Variants in FSHR observed in about 807,000 individuals in gnomAD.
FSHR encodes follicle stimulating hormone receptor.
Under a neutral mutation model 52.1 loss-of-function variants are expected in FSHR, and 46 were observed. The ratio of observed to expected loss-of-function variants is 0.88; its 90% CI spans 0.70 to 1.13. FSHR has a LOEUF of 1.13. FSHR is among the 50% of genes most tolerant of loss of function. The pLI is 0.00. For synonymous variants in FSHR, 399 were observed against 309.6 expected (o/e 1.29, Z -3.03); for missense variants, 964 against 834.6 (o/e 1.16, Z -1.91).
At position 48,983,180 on chromosome 2, in the gene FSHR, C is replaced by T. The variant is rs1046935846; in HGVS notation, c.525-14G>A. The stretch of plus-strand genomic sequence containing the variant: ...TTATTCAGCCATCTGAAATAAAAGG[C>T]CTATTAAAAAACCAATAATGTCAGA... On this transcript the variant is annotated splice_polypyrimidine_tract_variant and intron_variant, in intron 6 of 9. Coordinates refer to ENST00000406846, the MANE Select transcript of FSHR (RefSeq NM_000145.4). 52 of 1,612,524 alleles carry T rather than the reference C, an allele frequency of 3.2e-5. No individual in the cohort carries two copies. The highest frequency in any genetic ancestry group is 4.0e-5 in the African/African-American group (3 of 74,816).
At chr2:49,080,922 C>G (rs1483696303) in intron 1 of FSHR, among the ~76,000 whole-genome samples, 1 of 152,200 alleles carries the variant, frequency 6.6e-6, no homozygotes, top group Non-Finnish European at 1.5e-5. Context: ...TATCTGACAA[C>G]TAGGGACATC....
At chr2:49,040,191 T>C (rs1278885391) in intron 2 of FSHR, among the ~76,000 whole-genome samples, 2 of 152,202 alleles carry the variant, frequency 1.3e-5, no homozygotes, top group African/African-American at 2.4e-5. Context: ...TCCTATTCAA[T>C]TGCAATCAGG....
In FSHR at chr2:49,009,691, C is replaced by G. The variant is rs930737623; in HGVS notation, c.374+7798G>C. Among the ~76,000 whole-genome samples the G allele has an allele frequency of 7.4e-5, 11 of 149,030 alleles. 1 individual carries two copies. Among genetic ancestry groups the G allele is most frequent in the Admixed American group, 2.7e-4 (4 of 14,838 alleles). On this transcript the variant is annotated intron_variant, in intron 4 of 9. Transcript: ENST00000406846. ...ATGTTCTTCCATTTGTTTGTATCCT[C>G]TTTTATTTCCTTGAGCAGTGGTTTG...
In FSHR at chr2:48,963,967, C is replaced by T; in HGVS notation, c.855-1G>A. The T allele has an allele frequency of 6.2e-7, 1 of 1,611,918 alleles. No homozygotes were observed. The highest frequency in any genetic ancestry group is 8.5e-7 in the Non-Finnish European group (1 of 1,179,718). ...GTTGCAAATTGGATGAAGCTCAGAG[C>T]TAGAAAAATACAAAAAGAAATAGAA... On this transcript the variant is annotated splice_acceptor_variant, in intron 9 of 9. Coordinates refer to ENST00000406846, the MANE Select transcript of FSHR (RefSeq NM_000145.4). LOFTEE classifies it high-confidence loss of function.
intron 1 of FSHR, among the ~76,000 whole-genome samples, chr2:49,085,301 A>G (rs1670332743): frequency 6.6e-6 from 1 of 152,262 alleles, no homozygotes; most frequent in Non-Finnish European, 1.5e-5. Flanking sequence ...AACAACCTTC[A>G]TGCTAAAAAC....
chr2:49,019,017 C>T (rs1667598597), intron 3 of FSHR, among the ~76,000 whole-genome samples: 1 of 152,208 alleles, frequency 6.6e-6, no homozygotes, highest in Non-Finnish European at 1.5e-5. Flanking sequence ...CTTACAACTT[C>T]TCTGTGCCTT....
chr2:49,146,572 G>A (rs930402725), intron 1 of FSHR, among the ~76,000 whole-genome samples: 1 of 151,940 alleles, frequency 6.6e-6, no homozygotes, highest in Non-Finnish European at 1.5e-5. Context: ...TTCAGCCCAA[G>A]GGAAACATGC....
chr2:49,154,188 G>T, intron 1 of FSHR, 78 bp downstream of exon 1: 1 of 1,450,982 alleles, frequency 6.9e-7, no homozygotes, highest in Non-Finnish European at 9.7e-7. Context: ...ACAGATATCA[G>T]CCTAATGTAA....
At position 49,154,511 on chromosome 2, in the gene FSHR, G is replaced by C. The variant is rs935213857; in HGVS notation, c.-94C>G. ...TCCACACAGTGCCCTTATGAGAAGA[G>C]ATCTGACTTGAGAACTGGTAGGGTC... is the stretch of plus-strand genomic sequence containing the variant. On this transcript the variant is annotated 5_prime_UTR_variant, in exon 1 of 10. In the 5' UTR this introduces an upstream ATG that the reference lacks. Transcript: ENST00000406846. The C allele has an allele frequency of 2.4e-6, 3 of 1,269,644 alleles. No homozygotes were observed. Among genetic ancestry groups the C allele is most frequent in the Non-Finnish European group, 3.4e-6 (3 of 887,882 alleles). 78.6% of individuals were successfully genotyped at this position (1,269,644 alleles called of 1,614,324 possible).
intron 2 of FSHR, among the ~76,000 whole-genome samples, chr2:49,021,846 TCTC>T (rs1667715096): frequency 6.4e-5 from 2 of 31,186 alleles, no homozygotes; most frequent in African/African-American, 2.7e-4. Context: ...TCTCTCTCTC[TCTC>T]TCTCTCTCTC....
rs147911679 is a variant in FSHR at position 49,043,850 on chromosome 2, C to A, written c.225-23690G>T. ...TCGGATTCCCATTATGACTTTGAAT[C>A]TGTTTCATTAATATCCGCCACTCAG... On this transcript the variant is annotated intron_variant, in intron 2 of 9. Coordinates refer to ENST00000406846, the MANE Select transcript of FSHR (RefSeq NM_000145.4). Among the ~76,000 whole-genome samples the A allele has an allele frequency of 3.4e-3, 519 of 152,278 alleles. 13 individuals are homozygous for A. The highest frequency in any genetic ancestry group is 0.031 in the Admixed American group (474 of 15,290).
chr2:49,141,141 A>G (rs1672670194), intron 1 of FSHR, among the ~76,000 whole-genome samples: 1 of 152,176 alleles, frequency 6.6e-6, no homozygotes, highest in Non-Finnish European at 1.5e-5. Flanking sequence ...ATTTCTGGAA[A>G]TTGTCATCGC....
In FSHR at chr2:49,091,281, TG is replaced by T. The variant is rs1314676753; in HGVS notation, c.153-22992del. On this transcript the variant is annotated intron_variant, in intron 1 of 9. Transcript: ENST00000406846. The stretch of plus-strand genomic sequence containing the variant: ...TTATGATACAATTTGGGAGAATTTT[TG>T]TGTACGGTATGAGGTTTAGAACATT... Among the ~76,000 whole-genome samples, 3 of 152,272 alleles carry T rather than the reference TG, an allele frequency of 2.0e-5. No homozygotes were observed. In the East Asian group the frequency reaches 5.8e-4, roughly 29 times the overall value.
chr2:48,988,705 T>C (rs1204567905), intron 6 of FSHR, among the ~76,000 whole-genome samples: 1 of 152,234 alleles, frequency 6.6e-6, no homozygotes, highest in African/African-American at 2.4e-5. Context: ...GAGTTATTCT[T>C]TCCTTTGGAA....
chr2:49,124,940 A>G (rs777424954), intron 1 of FSHR, among the ~76,000 whole-genome samples: 4 of 152,194 alleles, frequency 2.6e-5, no homozygotes, highest in Admixed American at 6.5e-5. Context: ...CTTATCTTAC[A>G]CTAATCCCTG....
chr2:49,081,285 C>T (rs1007941177), intron 1 of FSHR, among the ~76,000 whole-genome samples: 2 of 151,856 alleles, frequency 1.3e-5, no homozygotes, highest in Non-Finnish European at 2.9e-5. Context: ...ATGATCAACA[C>T]CAAAATCAGT....
chr2:49,005,054 C>CA (rs147427726), intron 4 of FSHR, among the ~76,000 whole-genome samples: 3,390 of 152,112 alleles, frequency 0.022, 90 homozygotes, highest in African/African-American at 0.071. Flanking sequence ...GTTCCTCTTT[C>CA]AAAAATGCAA....
intron 1 of FSHR, 83 bp from the exon 2 acceptor site, chr2:49,068,373 G>A (rs1373995062): frequency 8.8e-7 from 1 of 1,131,364 alleles, no homozygotes; most frequent in Non-Finnish European, 1.3e-6. Context: ...TCAGCAAACA[G>A]TTACCATATA....
At chr2:48,992,900 T>C (rs1203249702) in intron 4 of FSHR, among the ~76,000 whole-genome samples, 2 of 152,156 alleles carry the variant, frequency 1.3e-5, no homozygotes, top group Non-Finnish European at 2.9e-5. Context: ...ACTGTGACTG[T>C]CATGCCAAAG....
Sources: allele counts gnomAD v4.1 joint callset (sites outside exome capture counted in the v4.1 genomes callset), GRCh38; gene constraint gnomAD v4.1.1; transcripts MANE v1.5; gene names NCBI Gene and HGNC (gene_info 2026-07-23, HGNC 2026-07-21).